DNAJC12: variants seen among roughly 807,000 people sequenced by gnomAD.
The protein encoded by DNAJC12 is DnaJ heat shock protein family (Hsp40) member C12, also known as dnaJ homolog subfamily C member 12.
In DNAJC12, 25 loss-of-function variants were observed where a neutral mutation model predicts 28.5. The observed-to-expected ratio is 0.88, with a 90% CI of 0.64 to 1.22. DNAJC12 has a LOEUF of 1.22. Among genes scored for constraint, DNAJC12 ranks in the 50% most tolerant of loss-of-function variants. DNAJC12 has a pLI of 0.00. For synonymous variants in DNAJC12, 77 were observed against 80.6 expected (o/e 0.95, Z 0.24); for missense variants, 222 against 231.7 (o/e 0.96, Z 0.27).
In DNAJC12 at chr10:67,802,564, C is replaced by T. The variant is rs117120311; in HGVS notation, c.502+3019G>A. Among the ~76,000 whole-genome samples, 41 of 152,302 alleles carry T rather than the reference C, an allele frequency of 2.7e-4. No individual in the cohort carries two copies. The East Asian group carries it at 7.7e-3, about 29-fold the overall frequency. ...GTTCTTCAGACACACCAAAGACCAT[C>T]CCATCTGTGTGTATGCCTTGAATTG... On this transcript the variant is annotated intron_variant, in intron 4 of 4. Coordinates refer to ENST00000225171, the MANE Select transcript of DNAJC12 (RefSeq NM_021800.3).
intron 2 of DNAJC12, among the ~76,000 whole-genome samples, chr10:67,815,615 C>T (rs11813910): frequency 0.024 from 3,632 of 151,814 alleles, 153 homozygotes; most frequent in African/African-American, 0.083. Context: ...CTTGGTCCAG[C>T]GAGAGCAAAT....
intron 1 of DNAJC12, among the ~76,000 whole-genome samples, chr10:67,832,187 C>A (rs1842100539): frequency 6.6e-6 from 1 of 151,596 alleles, no homozygotes; most frequent in Non-Finnish European, 1.5e-5. Flanking sequence ...ATTGCTTGAA[C>A]CCGGGAGGCG....
Position 67,834,434 on chromosome 10 carries a change from T to C in DNAJC12, c.78+3500A>G, listed in dbSNP as rs1842123630. On this transcript the variant is annotated intron_variant, in intron 1 of 4. Transcript: ENST00000225171. The stretch of plus-strand genomic sequence containing the variant: ...CCACAACCACCACAACTTAGCGCTC[T>C]GCACCAGGCACTGTTCAAAGTACTT... 2.0e-5 allele frequency among the ~76,000 whole-genome samples: 3 copies of C among 152,228 alleles called. No homozygotes were observed. The South Asian group carries it at 6.2e-4, about 32-fold the overall frequency.
At chr10:67,801,487 C>T (rs114751565) in intron 4 of DNAJC12, among the ~76,000 whole-genome samples, 1 of 152,090 alleles carries the variant, frequency 6.6e-6, no homozygotes, top group South Asian at 2.1e-4. Flanking sequence ...CCAACAACAG[C>T]TTTTTAGAAC....
intron 1 of DNAJC12, among the ~76,000 whole-genome samples, chr10:67,832,032 G>A (rs779820619): frequency 1.2e-4 from 19 of 152,286 alleles, no homozygotes; most frequent in African/African-American, 3.6e-4. Context: ...TTGAGAGGCC[G>A]AGGTGGGCAG....
chr10:67,814,780 T>C (rs1355267376), intron 2 of DNAJC12, among the ~76,000 whole-genome samples: 1 of 152,136 alleles, frequency 6.6e-6, no homozygotes, highest in Non-Finnish European at 1.5e-5. Flanking sequence ...TATTAGTCCT[T>C]CAGGAAATAC....
chr10:67,819,760 A>G (rs71493808), intron 2 of DNAJC12, among the ~76,000 whole-genome samples: 3,535 of 19,188 alleles, frequency 0.18, 377 homozygotes, highest in East Asian at 0.34. Flanking sequence ...GGAAGGAAGG[A>G]AGGAAGGAAG....
intron 2 of DNAJC12, chr10:67,816,006 C>T: frequency 2.5e-6 from 1 of 398,334 alleles, no homozygotes; most frequent in Non-Finnish European, 4.4e-6. Context: ...AATGTAGCAA[C>T]TAATCAAATG....
At chr10:67,811,454 T>C in intron 3 of DNAJC12, 70 bp downstream of exon 3, 1 of 1,598,620 alleles carries the variant, frequency 6.3e-7, no homozygotes, top group Non-Finnish European at 8.5e-7. Context: ...CTCTTTAAGC[T>C]ACTACATGAG....
At chr10:67,830,410 C>T (rs1363768017) in intron 1 of DNAJC12, among the ~76,000 whole-genome samples, 15 of 151,634 alleles carry the variant, frequency 9.9e-5, no homozygotes, top group Non-Finnish European at 1.2e-4. Context: ...AGATTGAGAC[C>T]ATCCTGGCTA....
At chr10:67,821,676 T>C (rs1363951173) in intron 2 of DNAJC12, among the ~76,000 whole-genome samples, 1 of 152,228 alleles carries the variant, frequency 6.6e-6, no homozygotes, top group African/African-American at 2.4e-5. Context: ...ATATTATTTT[T>C]TTCCATAATT....
chr10:67,826,141 C>CT (rs11341698), intron 1 of DNAJC12, among the ~76,000 whole-genome samples: 73 of 143,686 alleles, frequency 5.1e-4, no homozygotes, highest in East Asian at 2.8e-3. Context: ...CTTTTTTTTT[C>CT]TTTTTTTTTT....
chr10:67,830,467 G>C (rs1389915546), intron 1 of DNAJC12, among the ~76,000 whole-genome samples: 1 of 151,060 alleles, frequency 6.6e-6, no homozygotes, highest in African/African-American at 2.4e-5. Context: ...AATTAGCTGG[G>C]CGTGGTGGCA....
intron 2 of DNAJC12, among the ~76,000 whole-genome samples, chr10:67,819,660 G>GAGAAAGAAAGAA (rs60688341): frequency 8.3e-4 from 29 of 34,924 alleles, no homozygotes; most frequent in African/African-American, 2.3e-3. Flanking sequence ...AAGAAAGAAA[G>GAGAAAGAAAGAA]AGAAAGAAAG....
intron 1 of DNAJC12, among the ~76,000 whole-genome samples, chr10:67,836,931 A>G (rs1842147270): frequency 6.7e-6 from 1 of 150,134 alleles, no homozygotes; most frequent in Non-Finnish European, 1.5e-5. Flanking sequence ...TAAAACATAA[A>G]TATATCCTAA....
chr10:67,798,552 T>A (rs2131785034), intron 4 of DNAJC12, among the ~76,000 whole-genome samples: 1 of 151,950 alleles, frequency 6.6e-6, no homozygotes, highest in African/African-American at 2.4e-5. Context: ...CGTGGTGGTA[T>A]GTGCCCGTGG....
rs954407339 is a variant in DNAJC12 at position 67,821,544 on chromosome 10, T to G, written c.157+1770A>C. Among the ~76,000 whole-genome samples the G allele has an allele frequency of 3.3e-5, 5 of 152,280 alleles. No individual in the cohort carries two copies. In the South Asian group the frequency reaches 1.0e-3, roughly 32 times the overall value. On this transcript the variant is annotated intron_variant, in intron 2 of 4. Transcript: ENST00000225171. ...AAAAAAACATTAAGATATAATATTA[T>G]CTACCCTGAGGATAAAATCAGAGTA...
intron 2 of DNAJC12, among the ~76,000 whole-genome samples, chr10:67,816,735 C>T (rs773165609): frequency 2.6e-5 from 4 of 152,022 alleles, no homozygotes; most frequent in African/African-American, 4.8e-5. Context: ...TTAGTAGAGA[C>T]GAGGTTTCAC....
intron 2 of DNAJC12, among the ~76,000 whole-genome samples, chr10:67,822,539 G>A (rs1052370665): frequency 6.6e-6 from 1 of 152,172 alleles, no homozygotes; most frequent in African/African-American, 2.4e-5. Context: ...GGAAAGTAGA[G>A]AAGAGAGACA....
Sources: allele counts gnomAD v4.1 joint callset (sites outside exome capture counted in the v4.1 genomes callset), GRCh38; gene constraint gnomAD v4.1.1; transcripts MANE v1.5; gene names NCBI Gene and HGNC (gene_info 2026-07-23, HGNC 2026-07-21).